RNF125: variants seen among roughly 807,000 people sequenced by gnomAD.
RNF125 encodes ring finger protein 125, also known as E3 ubiquitin-protein ligase RNF125.
A neutral mutation model predicts 26.0 loss-of-function variants in RNF125; 21 were observed. The ratio of observed to expected loss-of-function variants is 0.81; its 90% CI spans 0.57 to 1.16. The LOEUF is 1.16. RNF125 is among the 50% of genes most tolerant of loss of function. The pLI, the probability that RNF125 is intolerant of heterozygous loss-of-function variation, is 0.00. For synonymous variants in RNF125, 95 were observed against 109.2 expected (o/e 0.87, Z 0.81); for missense variants, 270 against 299.4 (o/e 0.90, Z 0.72).
At chr18:32,064,058 G>A (rs922013192) in intron 4 of RNF125, among the ~76,000 whole-genome samples, 2 of 150,682 alleles carry the variant, frequency 1.3e-5, no homozygotes, top group South Asian at 2.1e-4. Context: ...GCAGTGGTGC[G>A]ATCTCGGCTT....
chr18:32,029,403 TG>T (rs1305336355), intron 1 of RNF125, among the ~76,000 whole-genome samples: 1 of 149,738 alleles, frequency 6.7e-6, no homozygotes, highest in Non-Finnish European at 1.5e-5. Flanking sequence ...GAGGTGGAAC[TG>T]CTTGAACCCC....
intron 4 of RNF125, among the ~76,000 whole-genome samples, chr18:32,055,761 A>C (rs915841203): frequency 6.6e-6 from 1 of 151,906 alleles, no homozygotes; most frequent in Non-Finnish European, 1.5e-5. Flanking sequence ...TGGGCGGATC[A>C]CCTGAGGTGG....
chr18:32,022,510 C>T (rs1030108883), intron 1 of RNF125, among the ~76,000 whole-genome samples: 27 of 152,008 alleles, frequency 1.8e-4, no homozygotes, highest in Admixed American at 1.6e-3. Flanking sequence ...GGGAGTCATA[C>T]AAAATATGAA....
At chr18:32,023,070 C>T (rs1012039384) in intron 1 of RNF125, among the ~76,000 whole-genome samples, 4 of 152,126 alleles carry the variant, frequency 2.6e-5, no homozygotes, top group African/African-American at 9.7e-5. Context: ...GCAGCCTCCA[C>T]CTCCTGGGCT....
At chr18:32,056,621 C>CAAAA (rs58384246) in intron 4 of RNF125, among the ~76,000 whole-genome samples, 1 of 95,314 alleles carries the variant, frequency 1.0e-5, no homozygotes, top group African/African-American at 4.0e-5. Context: ...AACTCCGTCT[C>CAAAA]AAAAAAAAAA....
downstream of RNF125, among the ~76,000 whole-genome samples, chr18:32,075,309 G>A (rs2039562746): frequency 1.3e-5 from 2 of 152,142 alleles, no homozygotes; most frequent in South Asian, 4.1e-4. Context: ...TGTAATCCCT[G>A]CATTTTGGGA....
chr18:32,077,252 AT>A (rs2039576149), downstream of RNF125, among the ~76,000 whole-genome samples: 1 of 151,622 alleles, frequency 6.6e-6, no homozygotes, highest in African/African-American at 2.4e-5. Context: ...GAGTTCAGGA[AT>A]TTGAGGCTAT....
chr18:32,027,930 G>GA (rs1162035365), intron 1 of RNF125, among the ~76,000 whole-genome samples: 4 of 149,566 alleles, frequency 2.7e-5, no homozygotes, highest in South Asian at 2.1e-4. Flanking sequence ...TTATAAGAGG[G>GA]AAAAAAAAAC....
the RNF125 span, among the ~76,000 whole-genome samples, chr18:32,087,033 C>T: frequency 6.6e-6 from 1 of 152,102 alleles, no homozygotes; most frequent in Non-Finnish European, 1.5e-5. Context: ...ATAACTGAGT[C>T]ACATACACAC....
chr18:32,073,352 A>G (rs576412907), downstream of RNF125: 15 of 152,282 alleles, frequency 9.9e-5, 1 homozygote, highest in South Asian at 3.1e-3. Flanking sequence ...CCCAGCAGAC[A>G]TTGGCAATGT....
At chr18:32,037,045 A>T in intron 1 of RNF125, 71 bp from the exon 2 acceptor site, 9 of 1,395,092 alleles carry the variant, frequency 6.5e-6, no homozygotes, top group Non-Finnish European at 7.8e-6. Flanking sequence ...CAGTTTACAC[A>T]AATGAATACA....
intron 1 of RNF125, among the ~76,000 whole-genome samples, chr18:32,027,294 G>T (rs1229464066): frequency 6.6e-6 from 1 of 151,280 alleles, no homozygotes; most frequent in Non-Finnish European, 1.5e-5. Context: ...GAGTACAAAG[G>T]ATTTTAACTT....
chr18:32,026,242 C>CTTTTTTTTTTTTTT (rs1181390375), intron 1 of RNF125, among the ~76,000 whole-genome samples: 3 of 73,142 alleles, frequency 4.1e-5, no homozygotes, highest in Non-Finnish European at 7.2e-5. Flanking sequence ...AGCACCCGGT[C>CTTTTTTTTTTTTTT]TTTTTTTTTT....
chr18:32,040,903 C>A (rs2039210187), intron 2 of RNF125, among the ~76,000 whole-genome samples: 1 of 152,204 alleles, frequency 6.6e-6, no homozygotes, highest in South Asian at 2.1e-4. Flanking sequence ...ACAGCTTGTG[C>A]AGATCAATCC....
chr18:32,019,161 C>T (rs1017724881), intron 1 of RNF125, 134 bp downstream of exon 1: 3 of 1,063,596 alleles, frequency 2.8e-6, no homozygotes, highest in Non-Finnish European at 4.0e-6. Context: ...AACCTGGACC[C>T]GTCGGATGCA....
intron 1 of RNF125, among the ~76,000 whole-genome samples, chr18:32,032,217 C>T (rs2039104181): frequency 6.6e-6 from 1 of 152,130 alleles, no homozygotes; most frequent in Non-Finnish European, 1.5e-5. Flanking sequence ...GCTGGGATTA[C>T]AGGCACCCAC....
intron 2 of RNF125, among the ~76,000 whole-genome samples, chr18:32,040,827 A>G (rs1411696595): frequency 1.3e-5 from 2 of 152,220 alleles, no homozygotes; most frequent in African/African-American, 2.4e-5. Context: ...CAAAAGTCAT[A>G]AAGACATGAG....
chr18:32,080,834 C>T, the RNF125 span, among the ~76,000 whole-genome samples: 1 of 152,184 alleles, frequency 6.6e-6, no homozygotes, highest in Non-Finnish European at 1.5e-5. Context: ...CAAGATGGCG[C>T]CACTGCACTC....
At chr18:32,064,535 G>C (rs549563329) in intron 4 of RNF125, among the ~76,000 whole-genome samples, 1 of 148,488 alleles carries the variant, frequency 6.7e-6, no homozygotes, top group Non-Finnish European at 1.5e-5. Context: ...TGAGATTTGG[G>C]TGGGGACAAG....
Sources: gnomAD v4.1 joint callset for allele counts (sites outside exome capture counted in the v4.1 genomes callset) on GRCh38, gnomAD v4.1.1 for gene constraint, MANE v1.5 for transcripts, NCBI Gene and HGNC (gene_info 2026-07-23, HGNC 2026-07-21) for gene names.